AGBL1: variants seen among roughly 807,000 people sequenced by gnomAD.
The protein encoded by AGBL1 is AGBL carboxypeptidase 1, also known as cytosolic carboxypeptidase 4.
In AGBL1, 130 loss-of-function variants were observed where a neutral mutation model predicts 118.9. The ratio of observed to expected loss-of-function variants is 1.09; its 90% CI spans 0.95 to 1.26. AGBL1 has a LOEUF of 1.26. Ranked by LOEUF, AGBL1 falls within the 50% of genes most tolerant of loss-of-function variation. The pLI, the probability that AGBL1 is intolerant of heterozygous loss-of-function variation, is 0.00. For missense variants in AGBL1, 1,584 were observed against 1,298.1 expected (o/e 1.22, Z -3.38); for synonymous variants, 555 against 478.9 (o/e 1.16, Z -2.08).
intron 18 of AGBL1, among the ~76,000 whole-genome samples, chr15:86,408,555 T>A (rs1270073611): frequency 1.3e-5 from 2 of 152,216 alleles, no homozygotes; most frequent in Non-Finnish European, 2.9e-5. Flanking sequence ...TTCGTCACAT[T>A]TTAATTTAGA....
Position 86,166,964 on chromosome 15 carries a change from A to G in AGBL1, c.488+7938A>G, listed in dbSNP as rs190062082. On this transcript the variant is annotated intron_variant, in intron 5 of 22. Transcript: ENST00000614907. ...GCTTGTACAGCTCGTACCTCCCTAT[A>G]GATTTCCCTCAGTTTTCCCTCTAGA... 3.4e-4 allele frequency among the ~76,000 whole-genome samples: 52 copies of G among 152,208 alleles called. 1 individual carries two copies. The East Asian group carries it at 8.3e-3, about 24-fold the overall frequency.
At chr15:86,883,380 C>T (rs537540795) in intron 22 of AGBL1, among the ~76,000 whole-genome samples, 3 of 152,352 alleles carry the variant, frequency 2.0e-5, no homozygotes, top group African/African-American at 7.2e-5. Flanking sequence ...ACTTCCAACA[C>T]CAGCATTCGC....
chr15:86,798,715 T>C (rs1486398210), intron 22 of AGBL1, among the ~76,000 whole-genome samples: 1 of 149,904 alleles, frequency 6.7e-6, no homozygotes, highest in East Asian at 2.0e-4. Context: ...GGGTAGTACG[T>C]CTGGATATCC....
At chr15:86,394,694 C>G (rs2081336846) in intron 17 of AGBL1, among the ~76,000 whole-genome samples, 1 of 152,142 alleles carries the variant, frequency 6.6e-6, no homozygotes, top group Non-Finnish European at 1.5e-5. Flanking sequence ...GACTTTGATT[C>G]TCAAGTTGGC....
chr15:86,769,870 G>C (rs1258118686), intron 22 of AGBL1, among the ~76,000 whole-genome samples: 1 of 151,936 alleles, frequency 6.6e-6, no homozygotes. Context: ...TCTGGGGAGA[G>C]CTTCCGAGAA....
At chr15:86,549,441 A>G (rs1012082793) in intron 20 of AGBL1, among the ~76,000 whole-genome samples, 1 of 152,202 alleles carries the variant, frequency 6.6e-6, no homozygotes, top group Admixed American at 6.5e-5. Flanking sequence ...GAAACTGTGT[A>G]GAGACATCAG....
chr15:86,514,925 C>G (rs1000778996), intron 18 of AGBL1, among the ~76,000 whole-genome samples: 1 of 152,136 alleles, frequency 6.6e-6, no homozygotes, highest in Non-Finnish European at 1.5e-5. Flanking sequence ...ACTCCACATC[C>G]TAAAAATTAC....
At chr15:86,454,068 G>A (rs532141297) in intron 18 of AGBL1, among the ~76,000 whole-genome samples, 21 of 152,030 alleles carry the variant, frequency 1.4e-4, no homozygotes, top group East Asian at 3.9e-4. Context: ...TCTTCACTAC[G>A]TATGGAAGAC....
At position 86,513,199 on chromosome 15, in the gene AGBL1, G is replaced by T. The variant is rs1009852693; in HGVS notation, c.2556-9611G>T. Among the ~76,000 whole-genome samples the T allele has an allele frequency of 2.0e-5, 3 of 151,976 alleles. No individual in the cohort carries two copies. The East Asian group carries it at 5.8e-4, about 29-fold the overall frequency. ...CCAGGATCATATATTGCATTTAGTA[G>T]TTGTGTCTTCTCAATCTCCTCTAAT... On this transcript the variant is annotated intron_variant, in intron 18 of 22. Transcript: ENST00000614907.
intron 18 of AGBL1, among the ~76,000 whole-genome samples, chr15:86,476,065 G>A (rs1160701359): frequency 6.6e-6 from 1 of 152,126 alleles, no homozygotes; most frequent in Non-Finnish European, 1.5e-5. Context: ...TGCCTTACAA[G>A]AGCTCCTGAA....
At chr15:86,950,537 A>G (rs1364769742) in intron 23 of AGBL1, among the ~76,000 whole-genome samples, 1 of 151,012 alleles carries the variant, frequency 6.6e-6, no homozygotes, top group African/African-American at 2.4e-5. Flanking sequence ...ATGTATATAT[A>G]TATGCACACA....
At chr15:86,132,211 G>T (rs1289213826) in intron 1 of AGBL1, among the ~76,000 whole-genome samples, 1 of 152,176 alleles carries the variant, frequency 6.6e-6, no homozygotes. Flanking sequence ...CTAGCTTGCT[G>T]AGAATGAGCT....
intron 24 of AGBL1, among the ~76,000 whole-genome samples, chr15:87,005,369 C>T (rs947897904): frequency 8.5e-5 from 13 of 152,190 alleles, no homozygotes; most frequent in Admixed American, 4.6e-4. Context: ...TCCCATATTT[C>T]TTGGAGGCTT....
intron 17 of AGBL1, among the ~76,000 whole-genome samples, chr15:86,394,967 A>T (rs1452624424): frequency 6.6e-6 from 1 of 152,152 alleles, no homozygotes; most frequent in Non-Finnish European, 1.5e-5. Context: ...GGGTCCTGGT[A>T]ATAAGAAAGA....
At chr15:86,817,849 A>G (rs529876732) in intron 22 of AGBL1, among the ~76,000 whole-genome samples, 16 of 152,322 alleles carry the variant, frequency 1.1e-4, no homozygotes, top group African/African-American at 3.8e-4. Context: ...TACTGGAATA[A>G]AAGTAGGCCC....
At chr15:86,342,699 A>G (rs902514337) in intron 17 of AGBL1, among the ~76,000 whole-genome samples, 1 of 152,178 alleles carries the variant, frequency 6.6e-6, no homozygotes, top group Non-Finnish European at 1.5e-5. Flanking sequence ...TGTGAAATGA[A>G]GCTTCTCGGA....
chr15:86,981,485 C>T (rs891325485), intron 23 of AGBL1, among the ~76,000 whole-genome samples: 12 of 152,124 alleles, frequency 7.9e-5, no homozygotes, highest in Non-Finnish European at 8.8e-5. Flanking sequence ...CTCAGCTCTT[C>T]GTCACTATTA....
At chr15:86,816,124 CA>C (rs2078854513) in intron 22 of AGBL1, among the ~76,000 whole-genome samples, 1 of 152,090 alleles carries the variant, frequency 6.6e-6, no homozygotes, top group Non-Finnish European at 1.5e-5. Context: ...TGATGTCTTC[CA>C]GAGGAATTAA....
At chr15:86,263,187 C>G (rs914579168) in intron 10 of AGBL1, among the ~76,000 whole-genome samples, 3 of 152,208 alleles carry the variant, frequency 2.0e-5, no homozygotes, top group Admixed American at 6.5e-5. Context: ...GCAGCATATT[C>G]CTTGATGGTC....
Sources: allele counts gnomAD v4.1 joint callset (sites outside exome capture counted in the v4.1 genomes callset), GRCh38; gene constraint gnomAD v4.1.1; transcripts MANE v1.5; gene names NCBI Gene and HGNC (gene_info 2026-07-23, HGNC 2026-07-21).